NDEL1: variants seen among roughly 807,000 people sequenced by gnomAD.
NDEL1 encodes nudE neurodevelopment protein 1 like 1, also known as nuclear distribution protein nudE-like 1.
In NDEL1, 9 loss-of-function variants were observed where a neutral mutation model predicts 45.7. That is an observed-to-expected ratio of 0.20 (90% CI 0.12 to 0.34). NDEL1 has a LOEUF of 0.34. Ranked by LOEUF, NDEL1 falls within the 10% of genes least tolerant of loss-of-function variation. The pLI is 1.00. For missense variants in NDEL1, 306 were observed against 406.2 expected (o/e 0.75, Z 2.12); for synonymous variants, 133 against 158.6 (o/e 0.84, Z 1.21).
At position 8,444,371 on chromosome 17, in the gene NDEL1, G is replaced by A; in HGVS notation, c.86+14G>A. Reference sequence around the variant, plus strand: ...GTATAAGCAAAGGTAATGTTGGAAAGCACACTAAAAGTAGGGGAGGGCATT... The same window carrying A: ...GTATAAGCAAAGGTAATGTTGGAAAACACACTAAAAGTAGGGGAGGGCATT... On this transcript the variant is annotated intron_variant, in intron 2 of 8. Coordinates refer to ENST00000334527, the MANE Select transcript of NDEL1 (RefSeq NM_030808.5). The A allele has an allele frequency of 6.3e-7, 1 of 1,587,764 alleles. No individual in the cohort carries two copies. The highest frequency in any genetic ancestry group is 1.7e-5 in the Admixed American group (1 of 59,316).
chr17:8,441,328 A>G (rs1378957057), intron 1 of NDEL1, among the ~76,000 whole-genome samples: 1 of 152,214 alleles, frequency 6.6e-6, no homozygotes, highest in Non-Finnish European at 1.5e-5. Flanking sequence ...TTATCATCAA[A>G]GGCTACAAAA....
intron 8 of NDEL1, chr17:8,461,393 T>C (rs1911194872): frequency 6.6e-6 from 1 of 152,224 alleles, no homozygotes; most frequent in Non-Finnish European, 1.5e-5. Flanking sequence ...AACTTTATTC[T>C]TTCTTAAAAA....
At chr17:8,457,105 G>A (rs753334686) in intron 7 of NDEL1, among the ~76,000 whole-genome samples, 20 of 152,238 alleles carry the variant, frequency 1.3e-4, no homozygotes, top group South Asian at 8.3e-4. Context: ...TAAATATTTC[G>A]TATTGTAGCT....
intron 1 of NDEL1, among the ~76,000 whole-genome samples, chr17:8,424,685 T>C (rs1020282023): frequency 6.6e-6 from 1 of 152,156 alleles, no homozygotes; most frequent in Non-Finnish European, 1.5e-5. Flanking sequence ...TTTGTATTTT[T>C]AGTAGAGATG....
intron 1 of NDEL1, among the ~76,000 whole-genome samples, chr17:8,428,362 ATT>A (rs1176480046): frequency 1.5e-4 from 12 of 81,560 alleles, no homozygotes; most frequent in East Asian, 3.3e-4. Context: ...GTGTGTGTGT[ATT>A]TTTTTTTTTT....
chr17:8,459,082 C>A (rs936507275), intron 7 of NDEL1, among the ~76,000 whole-genome samples: 1 of 152,022 alleles, frequency 6.6e-6, no homozygotes, highest in African/African-American at 2.4e-5. Context: ...GGAGGAGGTC[C>A]AAATGGATTC....
intron 6 of NDEL1, among the ~76,000 whole-genome samples, chr17:8,451,464 A>G (rs977783855): frequency 4.6e-5 from 7 of 152,222 alleles, no homozygotes; most frequent in African/African-American, 1.4e-4. Context: ...GCCTTTCTAC[A>G]TAGAATGTAC....
Position 8,446,879 on chromosome 17 carries a change from C to A in NDEL1, c.366C>A (p.Asn122Lys). 1.2e-6 allele frequency: 2 copies of A among 1,614,118 alleles called. No homozygotes were observed. The highest frequency in any genetic ancestry group is 1.7e-6 in the Non-Finnish European group (2 of 1,180,006). ...ATGTGAGAGAGCTGGAGCAGGCCAA[C>A]GACGACCTGGAGCGAGCCAAAAGGT... Reference protein sequence around the residue: ...HKYVRELEQANDDLERAKRAT... With the variant: ...HKYVRELEQAKDDLERAKRAT... Residue 122 changes from asparagine (N) to lysine (K), a missense_variant, in exon 4 of 9, where the codon AAC becomes AAA. Asn to Lys is a moderately conservative substitution (Grantham distance 94). This residue lies in a region of NDEL1 where 112 missense variants were observed against 148.3 expected (regional missense o/e 0.76). Transcript: ENST00000334527.
chr17:8,437,143 G>T (rs1199619724), intron 1 of NDEL1, among the ~76,000 whole-genome samples: 4 of 152,186 alleles, frequency 2.6e-5, no homozygotes, highest in Non-Finnish European at 4.4e-5. Flanking sequence ...TTGCTAAATC[G>T]TGAAGTTGAT....
intron 1 of NDEL1, among the ~76,000 whole-genome samples, chr17:8,440,283 CGAG>C (rs1909644496): frequency 6.6e-6 from 1 of 151,914 alleles, no homozygotes. Flanking sequence ...TTTGGGAGGC[CGAG>C]GAGGGCAGAT....
At chr17:8,417,963 T>C (rs182160027) in intron 1 of NDEL1, among the ~76,000 whole-genome samples, 1 of 152,320 alleles carries the variant, frequency 6.6e-6, no homozygotes, top group African/African-American at 2.4e-5. Flanking sequence ...ACACATCATA[T>C]GTTTCGACAG....
At chr17:8,472,872 T>C (rs556020651), downstream of NDEL1, among the ~76,000 whole-genome samples, 147 of 152,320 alleles carry the variant, frequency 9.7e-4, no homozygotes, top group East Asian at 4.4e-3. Context: ...TTCCCAAGTC[T>C]TGCCTGAGTT....
chr17:8,461,678 T>C (rs2030128), intron 8 of NDEL1, among the ~76,000 whole-genome samples: 1,679 of 152,336 alleles, frequency 0.011, 27 homozygotes, highest in African/African-American at 0.038. Flanking sequence ...ATGGAATGAC[T>C]GGATGGTTTT....
intron 5 of NDEL1, among the ~76,000 whole-genome samples, chr17:8,450,438 A>T (rs1193303010): frequency 1.3e-5 from 2 of 152,234 alleles, no homozygotes; most frequent in Non-Finnish European, 2.9e-5. Context: ...TGATTTTGCA[A>T]TAACCCCAAA....
chr17:8,422,764 T>A lies in NDEL1; in HGVS notation c.-13+9495T>A, dbSNP rs557434698. ...TTTTCCTTTTTTTTTTGAGACGGAG[T>A]CTTGCTCTGTCACCCAGGCTGGAGT... is the stretch of plus-strand genomic sequence containing the variant. On this transcript the variant is annotated intron_variant, in intron 1 of 4. Transcript: ENST00000582812. Among the ~76,000 whole-genome samples the A allele has an allele frequency of 1.3e-3, 190 of 149,110 alleles. 8 individuals carry two copies. The South Asian group carries it at 0.039, about 31-fold the overall frequency.
intron 1 of NDEL1, among the ~76,000 whole-genome samples, chr17:8,429,911 G>A (rs1202362483): frequency 6.6e-6 from 1 of 152,062 alleles, no homozygotes; most frequent in Non-Finnish European, 1.5e-5. Context: ...TGGGGAGAGA[G>A]GGACAGACAA....
intron 5 of NDEL1, among the ~76,000 whole-genome samples, chr17:8,449,132 G>A (rs1351075989): frequency 1.3e-5 from 2 of 152,094 alleles, no homozygotes; most frequent in African/African-American, 4.8e-5. Context: ...ACAGGCGCCC[G>A]CCACCACACC....
chr17:8,425,248 TG>T (rs1310781144), intron 1 of NDEL1, among the ~76,000 whole-genome samples: 1 of 152,256 alleles, frequency 6.6e-6, no homozygotes, highest in African/African-American at 2.4e-5. Context: ...TCTTATTGCT[TG>T]TTTCTAAAGG....
intron 1 of NDEL1, among the ~76,000 whole-genome samples, chr17:8,430,382 TG>T (rs1222653889): frequency 2.0e-5 from 3 of 152,200 alleles, no homozygotes; most frequent in African/African-American, 7.2e-5. Context: ...GAGTTAAGTA[TG>T]CCCCATCTCG....
Sources: gnomAD v4.1 joint callset for allele counts (sites outside exome capture counted in the v4.1 genomes callset) on GRCh38, gnomAD v4.1.1 for gene constraint, gnomAD v4.1.1 regional missense constraint, MANE v1.5 for transcripts, NCBI Gene and HGNC (gene_info 2026-07-23, HGNC 2026-07-21) for gene names.